The following SMYD3 variants were observed in gnomAD, a reference collection of about 807,000 sequenced individuals.
SMYD3 encodes the protein histone-lysine N-methyltransferase SMYD3.
A neutral mutation model predicts 57.7 loss-of-function variants in SMYD3; 36 were observed. The ratio of observed to expected loss-of-function variants is 0.62; its 90% confidence interval spans 0.48 to 0.82. SMYD3 has a LOEUF of 0.82. Among genes scored for constraint, SMYD3 ranks in the 40% least tolerant of loss-of-function variants. The pLI, the probability that SMYD3 is intolerant of heterozygous loss-of-function variation, is 0.00. For synonymous variants in SMYD3, 211 were observed against 195.0 expected, an observed-to-expected ratio of 1.08 and a Z score of -0.68; for missense variants, 515 against 538.8, an observed-to-expected ratio of 0.96 and a Z score of 0.44.
chr1:246,029,088 G>A (rs1011407184), intron 5 of SMYD3, among the ~76,000 whole-genome samples: 1 of 152,120 alleles, frequency 6.6e-6, no homozygotes, highest in Non-Finnish European at 1.5e-5. Flanking sequence ...ATGAATTAAA[G>A]ATTTGAACAT....
chr1:246,295,436 T>C (rs1388462488), intron 5 of SMYD3, among the ~76,000 whole-genome samples: 1 of 152,196 alleles, frequency 6.6e-6, no homozygotes, highest in Non-Finnish European at 1.5e-5. Context: ...TAATTCCAAC[T>C]ATAAGAGGCA....
intron 5 of SMYD3, among the ~76,000 whole-genome samples, chr1:246,285,720 G>A (rs1231157001): frequency 6.6e-6 from 1 of 152,114 alleles, no homozygotes; most frequent in East Asian, 1.9e-4. Context: ...CACAGAATGG[G>A]AGAAAATCTT....
At chr1:246,193,676 T>C (rs1338864726) in intron 5 of SMYD3, 1 of 152,340 alleles carries the variant, frequency 6.6e-6, no homozygotes, top group Non-Finnish European at 1.5e-5. Flanking sequence ...TACAGTTACC[T>C]TAGACACAGC....
intron 5 of SMYD3, among the ~76,000 whole-genome samples, chr1:246,249,452 G>A (rs1176603924): frequency 2.0e-5 from 3 of 151,940 alleles, no homozygotes; most frequent in Non-Finnish European, 4.4e-5. Flanking sequence ...CACAAATATG[G>A]AAACTATTAA....
At chr1:246,470,490 G>A (rs1161340058) in intron 1 of SMYD3, among the ~76,000 whole-genome samples, 5 of 109,586 alleles carry the variant, frequency 4.6e-5, no homozygotes, top group South Asian at 3.4e-4. Context: ...GCAAGAATCT[G>A]TCTAAAAATA....
At chr1:245,909,964 A>G (rs867934414) in intron 8 of SMYD3, among the ~76,000 whole-genome samples, 2 of 152,280 alleles carry the variant, frequency 1.3e-5, no homozygotes, top group Non-Finnish European at 2.9e-5. Flanking sequence ...TCCTAGCCAG[A>G]GCAATTAGAC....
At position 245,928,177 on chromosome 1, in the gene SMYD3, GA is replaced by G. The variant is rs377154353; in HGVS notation, c.600-145del. 686 of 539,444 alleles carry G rather than the reference GA, an allele frequency of 1.3e-3. 8 individuals are homozygous for G. The highest frequency in any genetic ancestry group is 0.012 in the African/African-American group (630 of 52,576). The allele number at this position is 539,444 out of a possible 1,614,324, so 33.4% of individuals were successfully genotyped here. On this transcript the variant is annotated intron_variant, in intron 6 of 11. Coordinates refer to ENST00000490107, the MANE Select transcript of SMYD3 (RefSeq NM_001167740.2). ...GGATGCCAGGGGTTCAGTACTCGGG[GA>G]TGCATTCACAGAAATGTCACTAGCA... is the stretch of plus-strand genomic sequence containing the variant.
At chr1:245,943,541 T>C (rs1223709091) in intron 5 of SMYD3, among the ~76,000 whole-genome samples, 1 of 152,120 alleles carries the variant, frequency 6.6e-6, no homozygotes, top group Non-Finnish European at 1.5e-5. Flanking sequence ...ACAGCTGAAT[T>C]CTACAAGAGG....
intron 8 of SMYD3, among the ~76,000 whole-genome samples, chr1:245,878,030 G>C (rs961722673): frequency 1.3e-5 from 2 of 152,048 alleles, no homozygotes; most frequent in African/African-American, 4.8e-5. Flanking sequence ...GAGGAAGGAA[G>C]GGACAGGTGG....
At chr1:245,852,261 CAG>C (rs1372179785) in intron 10 of SMYD3, among the ~76,000 whole-genome samples, 3 of 152,210 alleles carry the variant, frequency 2.0e-5, no homozygotes, top group East Asian at 3.8e-4. Context: ...GTTCCATGCA[CAG>C]AGTGTCCTAG....
At chr1:246,436,752 T>G (rs556497289) in intron 1 of SMYD3, among the ~76,000 whole-genome samples, 1 of 152,150 alleles carries the variant, frequency 6.6e-6, no homozygotes, top group African/African-American at 2.4e-5. Context: ...CAAGGGCAGG[T>G]TTACTTCTAT....
intron 8 of SMYD3, among the ~76,000 whole-genome samples, chr1:245,901,676 A>G (rs1462399391): frequency 6.6e-6 from 1 of 152,178 alleles, no homozygotes; most frequent in Non-Finnish European, 1.5e-5. Context: ...CAGTCAGCAG[A>G]TAACCACAGG....
At chr1:246,214,473 A>G (rs1397473327) in intron 5 of SMYD3, among the ~76,000 whole-genome samples, 4 of 152,188 alleles carry the variant, frequency 2.6e-5, no homozygotes, top group Non-Finnish European at 1.5e-5. Context: ...TTTGAAACCA[A>G]TATGTTGAAG....
chr1:245,824,367 A>T (rs1044474434), intron 10 of SMYD3, among the ~76,000 whole-genome samples: 2 of 152,244 alleles, frequency 1.3e-5, no homozygotes, highest in African/African-American at 4.8e-5. Flanking sequence ...ATGAAACGAC[A>T]CATGAAAGGA....
intron 5 of SMYD3, among the ~76,000 whole-genome samples, chr1:246,123,503 G>A (rs2061455739): frequency 6.6e-6 from 1 of 150,984 alleles, no homozygotes; most frequent in African/African-American, 2.4e-5. Flanking sequence ...GGAGGCAGAG[G>A]TTGCAGTGAG....
At chr1:246,138,206 A>AC (rs2061692719) in intron 5 of SMYD3, among the ~76,000 whole-genome samples, 1 of 151,400 alleles carries the variant, frequency 6.6e-6, no homozygotes, top group Admixed American at 6.6e-5. Context: ...TCCCATCCTC[A>AC]CTCCGCCCCG....
intron 5 of SMYD3, among the ~76,000 whole-genome samples, chr1:245,945,391 C>T (rs1169530585): frequency 1.3e-5 from 2 of 152,116 alleles, no homozygotes; most frequent in African/African-American, 4.8e-5. Flanking sequence ...CTCAACATCA[C>T]TGATCAGAGA....
intron 1 of SMYD3, among the ~76,000 whole-genome samples, chr1:246,491,538 C>T (rs749849912): frequency 2.9e-4 from 40 of 136,524 alleles, no homozygotes; most frequent in Non-Finnish European, 4.8e-4. Context: ...GAAACTTCGT[C>T]TCAAATAAAA....
In SMYD3 at chr1:246,434,421, T is replaced by C. The variant is rs150154550; in HGVS notation, c.164+72633A>G. 1.2e-3 allele frequency among the ~76,000 whole-genome samples: 186 copies of C among 152,252 alleles called. No individual in the cohort carries two copies. The Middle Eastern group carries it at 0.058, about 47-fold the overall frequency. On this transcript the variant is annotated intron_variant, in intron 1 of 11. Transcript: ENST00000490107. ...TTTGTCATCCGACAAAGGTCTAATA[T>C]CCAAAATCTATAATGAACTTAATTC...
Sources: gnomAD v4.1 joint callset for allele counts (sites outside exome capture counted in the v4.1 genomes callset) on GRCh38, gnomAD v4.1.1 for gene constraint, MANE v1.5 for transcripts, NCBI Gene and HGNC (gene_info 2026-07-23, HGNC 2026-07-21) for gene names.